ANKS1B: variants seen among roughly 807,000 people sequenced by gnomAD.
ANKS1B encodes the protein ankyrin repeat and sterile alpha motif domain-containing protein 1B.
A neutral mutation model predicts 148.3 loss-of-function variants in ANKS1B; 36 were observed. The observed-to-expected ratio is 0.24, with a 90% confidence interval of 0.19 to 0.32. The LOEUF is 0.32. ANKS1B is among the 10% of genes least tolerant of loss of function. ANKS1B has a pLI of 1.00. For missense variants in ANKS1B, 1,157 were observed against 1,542.6 expected (o/e 0.75, Z 4.19); for synonymous variants, 542 against 560.8 (o/e 0.97, Z 0.47).
intron 17 of ANKS1B, among the ~76,000 whole-genome samples, chr12:98,866,926 C>T (rs2099627760): frequency 6.6e-6 from 1 of 152,150 alleles, no homozygotes; most frequent in Non-Finnish European, 1.5e-5. Flanking sequence ...AAGGATCATG[C>T]TTTTTAAATA....
At chr12:98,941,933 T>C (rs958513654) in intron 17 of ANKS1B, among the ~76,000 whole-genome samples, 8 of 152,158 alleles carry the variant, frequency 5.3e-5, no homozygotes, top group Non-Finnish European at 1.0e-4. Context: ...CAAAAACATA[T>C]TGAGCCATAA....
chr12:99,937,454 A>T (rs2094807428), intron 1 of ANKS1B, among the ~76,000 whole-genome samples: 1 of 152,184 alleles, frequency 6.6e-6, no homozygotes. Flanking sequence ...AGTTAGAAAT[A>T]CCCACTTCTC....
chr12:99,048,131 T>C (rs999248879), intron 17 of ANKS1B, among the ~76,000 whole-genome samples: 1 of 152,212 alleles, frequency 6.6e-6, no homozygotes, highest in Non-Finnish European at 1.5e-5. Context: ...CCAGGCCATA[T>C]GTTCAGGCAT....
At chr12:99,775,770 C>A in intron 6 of ANKS1B, 109 bp from the exon 7 acceptor site, 1 of 563,344 alleles carries the variant, frequency 1.8e-6, no homozygotes, top group Non-Finnish European at 3.0e-6. Flanking sequence ...TTTTCATATC[C>A]TAAATATATC....
intron 1 of ANKS1B, among the ~76,000 whole-genome samples, chr12:99,858,921 C>T (rs1239557400): frequency 1.1e-4 from 16 of 152,064 alleles, no homozygotes; most frequent in Non-Finnish European, 8.8e-5. Flanking sequence ...CTGGGTACAG[C>T]GTACACTCCT....
chr12:99,729,727 C>T (rs1246410773), intron 8 of ANKS1B, among the ~76,000 whole-genome samples: 2 of 152,272 alleles, frequency 1.3e-5, no homozygotes, highest in South Asian at 2.1e-4. Flanking sequence ...GGTAACTGGA[C>T]ATTTTAGGTA....
At chr12:99,325,505 A>G (rs1436234206) in intron 12 of ANKS1B, among the ~76,000 whole-genome samples, 1 of 140,792 alleles carries the variant, frequency 7.1e-6, no homozygotes, top group East Asian at 1.9e-4. Context: ...CATTTTTTCC[A>G]TGCTCTAACT....
intron 12 of ANKS1B, among the ~76,000 whole-genome samples, chr12:99,347,595 T>C (rs1566936221): frequency 6.6e-6 from 1 of 151,986 alleles, no homozygotes; most frequent in South Asian, 2.1e-4. Flanking sequence ...GTCAAATCAC[T>C]AGCTGACCAT....
At chr12:99,450,361 T>C (rs1191460138) in intron 10 of ANKS1B, among the ~76,000 whole-genome samples, 1 of 152,186 alleles carries the variant, frequency 6.6e-6, no homozygotes, top group Non-Finnish European at 1.5e-5. Flanking sequence ...TCCCAAATAA[T>C]GTTTAGCCAA....
intron 8 of ANKS1B, among the ~76,000 whole-genome samples, chr12:99,674,733 A>G (rs1273122641): frequency 3.3e-5 from 5 of 151,834 alleles, no homozygotes; most frequent in Non-Finnish European, 7.4e-5. Flanking sequence ...CATTTCTACT[A>G]TAAATAGTAG....
intron 15 of ANKS1B, among the ~76,000 whole-genome samples, chr12:99,123,013 T>TAC (rs1406812994): frequency 6.9e-6 from 1 of 145,694 alleles, no homozygotes; most frequent in East Asian, 2.0e-4. Context: ...TATATATATA[T>TAC]AAACATGTAT....
At chr12:99,793,658 A>C (rs2153647301) in intron 4 of ANKS1B, among the ~76,000 whole-genome samples, 1 of 152,232 alleles carries the variant, frequency 6.6e-6, no homozygotes, top group South Asian at 2.1e-4. Context: ...CTCACAATAT[A>C]CAAAAATCAA....
chr12:99,734,150 C>T (rs2059410602), intron 8 of ANKS1B, among the ~76,000 whole-genome samples: 1 of 152,120 alleles, frequency 6.6e-6, no homozygotes, highest in Non-Finnish European at 1.5e-5. Flanking sequence ...TCCTCTCTGC[C>T]TTATACCTAT....
At chr12:99,982,953 C>T (rs1819738201) in intron 1 of ANKS1B, among the ~76,000 whole-genome samples, 1 of 152,168 alleles carries the variant, frequency 6.6e-6, no homozygotes, top group African/African-American at 2.4e-5. Flanking sequence ...TGTCTGACCA[C>T]CACAACCTAT....
At chr12:99,585,120 C>A (rs1296690119) in intron 9 of ANKS1B, among the ~76,000 whole-genome samples, 1 of 152,158 alleles carries the variant, frequency 6.6e-6, no homozygotes, top group African/African-American at 2.4e-5. Flanking sequence ...AAGGCAAGTC[C>A]TTTCTGCCTA....
chr12:99,667,660 T>C (rs2153462684), intron 8 of ANKS1B, among the ~76,000 whole-genome samples: 1 of 152,328 alleles, frequency 6.6e-6, no homozygotes, highest in East Asian at 1.9e-4. Flanking sequence ...ATTCAGCCTT[T>C]CAACATTATG....
At chr12:99,052,734 CAAAAAAA>C (rs56965572) in intron 17 of ANKS1B, among the ~76,000 whole-genome samples, 5 of 26,018 alleles carry the variant, frequency 1.9e-4, no homozygotes, top group Middle Eastern at 0.028. Context: ...GACTCCGTCT[CAAAAAAA>C]AAAAAAAAAA....
intron 12 of ANKS1B, among the ~76,000 whole-genome samples, chr12:99,333,006 C>T (rs1235221327): frequency 6.6e-6 from 1 of 151,946 alleles, no homozygotes; most frequent in African/African-American, 2.4e-5. Flanking sequence ...TAAGAAGTCA[C>T]TGAAGGTTTT....
At chr12:99,233,451 T>C (rs953759704) in intron 14 of ANKS1B, among the ~76,000 whole-genome samples, 2 of 152,104 alleles carry the variant, frequency 1.3e-5, no homozygotes, top group African/African-American at 4.8e-5. Context: ...TGAGAGTGCA[T>C]GATGATGTAG....
Sources: allele counts gnomAD v4.1 joint callset (sites outside exome capture counted in the v4.1 genomes callset), GRCh38; gene constraint gnomAD v4.1.1; transcripts MANE v1.5; gene names NCBI Gene and HGNC (gene_info 2026-07-23, HGNC 2026-07-21).